The following LTBP1 variants were observed in gnomAD, a reference collection of about 807,000 sequenced individuals.
The protein encoded by LTBP1 is latent-transforming growth factor beta-binding protein 1.
A neutral mutation model predicts 207.6 loss-of-function variants in LTBP1; 129 were observed. That is an observed-to-expected ratio of 0.62 (90% CI 0.54 to 0.72). LTBP1 has a LOEUF of 0.72. LTBP1 is among the 30% of genes least tolerant of loss of function. The pLI, the probability that LTBP1 is intolerant of heterozygous loss-of-function variation, is 0.00. For missense variants in LTBP1, 2,281 were observed against 2,217.2 expected (o/e 1.03, Z -0.58); for synonymous variants, 963 against 833.7 (o/e 1.16, Z -2.67).
At chr2:33,208,635 AT>A (rs772348528) in intron 7 of LTBP1, among the ~76,000 whole-genome samples, 5 of 152,164 alleles carry the variant, frequency 3.3e-5, no homozygotes, top group African/African-American at 4.8e-5. Flanking sequence ...ACCGACCTTC[AT>A]AGGATTGCCC....
intron 5 of LTBP1, among the ~76,000 whole-genome samples, chr2:33,135,318 A>G (rs1283901770): frequency 6.6e-6 from 1 of 152,192 alleles, no homozygotes; most frequent in Non-Finnish European, 1.5e-5. Context: ...GATAAGTGGA[A>G]TTTGTCTTAG....
intron 9 of LTBP1, among the ~76,000 whole-genome samples, chr2:33,237,725 T>G (rs2092116370): frequency 6.6e-6 from 1 of 152,176 alleles, no homozygotes; most frequent in African/African-American, 2.4e-5. Context: ...ATTTGTGAAT[T>G]GTTCATTTAT....
At chr2:33,235,698 A>G (rs1174986203) in intron 9 of LTBP1, among the ~76,000 whole-genome samples, 1 of 152,230 alleles carries the variant, frequency 6.6e-6, no homozygotes, top group Non-Finnish European at 1.5e-5. Context: ...TGTGGCACAT[A>G]TACACCATGG....
chr2:33,262,448 TG>T (rs1418363313), intron 13 of LTBP1, among the ~76,000 whole-genome samples: 17 of 151,926 alleles, frequency 1.1e-4, no homozygotes, highest in Admixed American at 1.1e-3. Flanking sequence ...GATCAGACTT[TG>T]GGCCTCAGGG....
Position 33,228,354 on chromosome 2 carries a change from G to A in LTBP1, c.1876+6203G>A, listed in dbSNP as rs79320479. Reference sequence around the variant, plus strand: ...GCCTTTAAGTTTTCTATTTAAAGTAGGCACTATTATACCCCATTTTACAGG... The same window carrying A: ...GCCTTTAAGTTTTCTATTTAAAGTAAGCACTATTATACCCCATTTTACAGG... On this transcript the variant is annotated intron_variant, in intron 9 of 33. Coordinates refer to ENST00000404816, the MANE Select transcript of LTBP1 (RefSeq NM_206943.4). Among the ~76,000 whole-genome samples, 1,115 of 152,158 alleles carry A rather than the reference G, an allele frequency of 7.3e-3. 16 individuals carry two copies. The highest frequency in any genetic ancestry group is 0.025 in the African/African-American group (1,052 of 41,524).
At chr2:33,079,643 A>G (rs2078283043) in intron 3 of LTBP1, among the ~76,000 whole-genome samples, 2 of 152,110 alleles carry the variant, frequency 1.3e-5, no homozygotes, top group African/African-American at 4.8e-5. Flanking sequence ...CTAAATAACC[A>G]GTTGCACCCT....
chr2:33,101,365 G>A (rs1415451567), intron 3 of LTBP1, among the ~76,000 whole-genome samples: 1 of 152,202 alleles, frequency 6.6e-6, no homozygotes, highest in Non-Finnish European at 1.5e-5. Context: ...TCAGAGGGAT[G>A]AAATTCTGTT....
chr2:33,181,764 C>CTCA (rs1377852644), intron 5 of LTBP1, among the ~76,000 whole-genome samples: 1 of 152,192 alleles, frequency 6.6e-6, no homozygotes, highest in Non-Finnish European at 1.5e-5. Flanking sequence ...CCACAAGCAT[C>CTCA]TCAAGTCAAC....
chr2:33,363,867 C>T (rs2150078095), intron 29 of LTBP1, among the ~76,000 whole-genome samples: 1 of 152,220 alleles, frequency 6.6e-6, no homozygotes, highest in African/African-American at 2.4e-5. Flanking sequence ...GACTTTAATG[C>T]TTAAGCAGAA....
chr2:33,102,214 G>A (rs920067476), intron 3 of LTBP1, among the ~76,000 whole-genome samples: 2 of 152,088 alleles, frequency 1.3e-5, no homozygotes, highest in South Asian at 2.1e-4. Flanking sequence ...AGTAGCCCAC[G>A]TTTAGAGCGC....
intron 19 of LTBP1, among the ~76,000 whole-genome samples, chr2:33,281,125 C>T (rs1245826112): frequency 6.6e-6 from 1 of 152,120 alleles, no homozygotes; most frequent in Non-Finnish European, 1.5e-5. Context: ...GTACTAAGTT[C>T]TGGGATATAT....
At chr2:33,384,469 A>G (rs2095248732) in intron 31 of LTBP1, among the ~76,000 whole-genome samples, 1 of 152,230 alleles carries the variant, frequency 6.6e-6, no homozygotes, top group African/African-American at 2.4e-5. Flanking sequence ...GCTAGATTCC[A>G]GATGGACACA....
intron 3 of LTBP1, among the ~76,000 whole-genome samples, chr2:33,025,074 C>A (rs2075353092): frequency 6.6e-6 from 1 of 152,122 alleles, no homozygotes; most frequent in Non-Finnish European, 1.5e-5. Flanking sequence ...CACAATGTGG[C>A]CATAAGCTTC....
chr2:33,371,631 T>A (rs1019846311), intron 31 of LTBP1, among the ~76,000 whole-genome samples: 1 of 152,212 alleles, frequency 6.6e-6, no homozygotes, highest in Non-Finnish European at 1.5e-5. Context: ...ATAGATTTTT[T>A]GTTGCTTGGT....
chr2:33,266,696 C>T (rs2093188613), intron 15 of LTBP1, among the ~76,000 whole-genome samples: 1 of 152,166 alleles, frequency 6.6e-6, no homozygotes, highest in Non-Finnish European at 1.5e-5. Flanking sequence ...TTCGGGTCTC[C>T]TCAGCTTTTC....
intron 3 of LTBP1, among the ~76,000 whole-genome samples, chr2:33,057,066 A>G (rs2077037514): frequency 6.6e-6 from 1 of 152,072 alleles, no homozygotes; most frequent in South Asian, 2.1e-4. Context: ...TTTACAAACC[A>G]TGAGCTAGAC....
In LTBP1 at chr2:33,244,888, T is replaced by TATCTATCTATC. The variant is rs1558876164; in HGVS notation, c.1999+1104_1999+1105insATCTATCTATC. Among the ~76,000 whole-genome samples, 1,002 of 120,772 alleles carry TATCTATCTATC rather than the reference T, an allele frequency of 8.3e-3. 8 individuals are homozygous for TATCTATCTATC. The highest frequency in any genetic ancestry group is 0.027 in the African/African-American group (887 of 33,054). The allele number at this position is 120,772 out of a possible 152,430, so 79.2% of individuals were successfully genotyped here. ...TCTATCTATCTATCTATCTATCTATTTATTTTTGAGACAGAGTTTCACTTT... is the reference window on the plus strand; with the variant it reads ...TCTATCTATCTATCTATCTATCTATTATCTATCTATCTATTTTTGAGACAGAGTTTCACTTT... On this transcript the variant is annotated intron_variant, in intron 10 of 33. Transcript: ENST00000404816.
At chr2:33,338,465 T>G (rs1193848343) in intron 24 of LTBP1, among the ~76,000 whole-genome samples, 6 of 152,254 alleles carry the variant, frequency 3.9e-5, no homozygotes, top group Non-Finnish European at 8.8e-5. Flanking sequence ...TTTCTCCTCC[T>G]TAGCTGTCCT....
chr2:33,351,095 C>A (rs1250221746), intron 26 of LTBP1, among the ~76,000 whole-genome samples: 1 of 152,086 alleles, frequency 6.6e-6, no homozygotes, highest in Non-Finnish European at 1.5e-5. Context: ...TAAAGTAATT[C>A]TTCACTTTAC....
Sources: gnomAD v4.1 joint callset for allele counts (sites outside exome capture counted in the v4.1 genomes callset) on GRCh38, gnomAD v4.1.1 for gene constraint, MANE v1.5 for transcripts, NCBI Gene and HGNC (gene_info 2026-07-23, HGNC 2026-07-21) for gene names.